TSTD2: variants seen among roughly 807,000 people sequenced by gnomAD.
TSTD2 encodes the protein thiosulfate sulfurtransferase/rhodanese-like domain-containing protein 2.
TSTD2 carries 37 observed loss-of-function variants against 47.9 expected under a neutral mutation model. The ratio of observed to expected loss-of-function variants is 0.77; its 90% CI spans 0.59 to 1.02. TSTD2 has a LOEUF of 1.02. TSTD2 is among the 50% of genes least tolerant of loss of function. The pLI is 0.00. For missense variants in TSTD2, 586 were observed against 616.0 expected, an observed-to-expected ratio of 0.95 and a Z score of 0.52; for synonymous variants, 201 against 215.9, an observed-to-expected ratio of 0.93 and a Z score of 0.61.
intron 3 of TSTD2, among the ~76,000 whole-genome samples, chr9:97,624,934 T>C (rs1826696350): frequency 6.6e-6 from 1 of 152,202 alleles, no homozygotes; most frequent in Non-Finnish European, 1.5e-5. Context: ...CCCCCCCTTT[T>C]TTTTGCTTAG....
intron 1 of TSTD2, among the ~76,000 whole-genome samples, chr9:97,629,931 T>C (rs1826783299): frequency 6.6e-6 from 1 of 152,192 alleles, no homozygotes; most frequent in African/African-American, 2.4e-5. Flanking sequence ...TCTCCCTCTA[T>C]ATGACCTGAT....
intron 9 of TSTD2, chr9:97,603,972 T>C (rs1826319903): frequency 6.6e-6 from 1 of 152,258 alleles, no homozygotes; most frequent in African/African-American, 2.4e-5. Context: ...ATTACAGGCA[T>C]GAGCCTCTGT....
rs775765471 is a variant in TSTD2 at position 97,602,482 on chromosome 9, G to A, written c.1538C>T (p.Pro513Leu). 1.2e-6 allele frequency: 2 copies of A among 1,610,240 alleles called. No individual in the cohort carries two copies. Among genetic ancestry groups the A allele is most frequent in the Non-Finnish European group, 8.5e-7 (1 of 1,177,796 alleles). ...EPGPDADEDG[P>L]VLM ...CAAAGGTGCTGCTCACATAAGCACT[G>A]GCCCATCCTCATCAGCATCAGGCCC... is the stretch of plus-strand genomic sequence containing the variant. Residue 513 changes from proline (P) to leucine (L), a missense_variant, in exon 10 of 10, where the codon CCA becomes CTA. Transcript: ENST00000341170.
At chr9:97,625,515 A>G (rs1826704346) in intron 3 of TSTD2, among the ~76,000 whole-genome samples, 166 bp downstream of exon 3, 1 of 152,236 alleles carries the variant, frequency 6.6e-6, no homozygotes, top group African/African-American at 2.4e-5. Context: ...GCCATATTAC[A>G]TTCCCACCAA....
Position 97,623,314 on chromosome 9 carries a change from A to G in TSTD2, c.482+2367T>C, listed in dbSNP as rs574829285. Among the ~76,000 whole-genome samples, 312 of 152,292 alleles carry G rather than the reference A, an allele frequency of 2.0e-3. 2 individuals are homozygous for G. Among genetic ancestry groups the G allele is most frequent in the Non-Finnish European group, 1.5e-3 (105 of 68,032 alleles). ...TTGCTCCTCCTTGCCTTCCACCATGATCATCAGGTCTCCCCTGCCATGCGG... is the reference window on the plus strand; with the variant it reads ...TTGCTCCTCCTTGCCTTCCACCATGGTCATCAGGTCTCCCCTGCCATGCGG... On this transcript the variant is annotated intron_variant, in intron 3 of 9. Coordinates refer to ENST00000341170, the MANE Select transcript of TSTD2 (RefSeq NM_139246.5).
intron 4 of TSTD2, among the ~76,000 whole-genome samples, chr9:97,617,361 TATA>T: frequency 6.6e-6 from 1 of 152,360 alleles, no homozygotes; most frequent in African/African-American, 2.4e-5. Context: ...TTCCAATTAA[TATA>T]TCACAAACAT....
In TSTD2 at chr9:97,617,811, T is replaced by A; in HGVS notation, c.549A>T (p.Gln183His). 6.2e-7 allele frequency: 1 copy of A among 1,614,110 alleles called. No homozygotes were observed. Among genetic ancestry groups the A allele is most frequent in the Non-Finnish European group, 8.5e-7 (1 of 1,180,018 alleles). ...GAGCTGTCTGCCAGGCACAGATCCATTGGGGATCCTCCAGGTCATGGTAGC... is the reference window on the plus strand; with the variant it reads ...GAGCTGTCTGCCAGGCACAGATCCAATGGGGATCCTCCAGGTCATGGTAGC... ...YYCYHDLEDP[Q>H]WICAWQTALC... is the part of the protein sequence containing the mutation. Residue 183 changes from glutamine to histidine, a missense_variant, in exon 4 of 10, where the codon CAA becomes CAT. Physicochemically the swap from Gln to His is conservative, Grantham distance 24. Transcript: ENST00000341170.
chr9:97,628,232 T>G (rs775501430), intron 1 of TSTD2, among the ~76,000 whole-genome samples: 1 of 152,192 alleles, frequency 6.6e-6, no homozygotes, highest in Non-Finnish European at 1.5e-5. Flanking sequence ...AATGTCAAAA[T>G]CGCTACTGTG....
intron 9 of TSTD2, 69 bp downstream of exon 9, chr9:97,604,658 A>G: frequency 1.2e-6 from 2 of 1,602,392 alleles, no homozygotes; most frequent in Non-Finnish European, 1.7e-6. Context: ...TCCCTGTGTC[A>G]TTTTTCTAGA....
At chr9:97,631,142 G>A (rs1213360840) in intron 1 of TSTD2, among the ~76,000 whole-genome samples, 2 of 151,974 alleles carry the variant, frequency 1.3e-5, no homozygotes, top group Admixed American at 6.6e-5. Flanking sequence ...TTTTTGAGAC[G>A]GTTTTCGTTC....
chr9:97,618,421 C>A (rs1192804144), intron 3 of TSTD2, among the ~76,000 whole-genome samples: 3 of 152,234 alleles, frequency 2.0e-5, no homozygotes, highest in African/African-American at 7.2e-5. Context: ...CTGCACTGGG[C>A]TGTCTTACAC....
At chr9:97,604,294 A>T (rs1201299751) in intron 9 of TSTD2, 2 of 155,882 alleles carry the variant, frequency 1.3e-5, no homozygotes, top group African/African-American at 4.8e-5. Context: ...TGTTGCCTAC[A>T]TTCATAACTA....
intron 4 of TSTD2, among the ~76,000 whole-genome samples, chr9:97,615,758 G>C (rs944303909): frequency 2.4e-4 from 36 of 152,192 alleles, no homozygotes; most frequent in Non-Finnish European, 2.4e-4. Context: ...TCTAAACCAA[G>C]AGGCTGTTTT....
chr9:97,617,258 AT>A (rs780620808), intron 4 of TSTD2, among the ~76,000 whole-genome samples: 1 of 152,202 alleles, frequency 6.6e-6, no homozygotes, highest in Non-Finnish European at 1.5e-5. Flanking sequence ...GAAACAGCAA[AT>A]GTCAATACCC....
At chr9:97,604,969 A>G (rs761471653) in intron 8 of TSTD2, 104 bp from the exon 9 acceptor site, 4 of 1,501,228 alleles carry the variant, frequency 2.7e-6, no homozygotes, top group Non-Finnish European at 3.5e-6. Context: ...TAGAGGACTC[A>G]TGGCCGCTGC....
At chr9:97,628,974 C>G (rs1437052962) in intron 1 of TSTD2, among the ~76,000 whole-genome samples, 1 of 152,162 alleles carries the variant, frequency 6.6e-6, no homozygotes, top group Non-Finnish European at 1.5e-5. Context: ...TGTGCCCTGT[C>G]CAAATTCCTG....
At chr9:97,627,965 G>T (rs759690265) in intron 1 of TSTD2, among the ~76,000 whole-genome samples, 1 of 152,114 alleles carries the variant, frequency 6.6e-6, no homozygotes, top group African/African-American at 2.4e-5. Flanking sequence ...GAAGCCCTTC[G>T]AACACAGAGA....
rs533515149 is a variant in TSTD2, at chr9:97,631,713, G to A, written c.-51+1530C>T. ...ATACAAATTAGCCTGGTGTGGTGGC[G>A]CATGTCTGTAATTGCCGCTACTTGG... On this transcript the variant is annotated intron_variant, in intron 1 of 9. Transcript: ENST00000341170. Among the ~76,000 whole-genome samples the A allele has an allele frequency of 2.0e-5, 3 of 152,196 alleles. No homozygotes were observed. In the East Asian group the frequency reaches 5.8e-4, roughly 29 times the overall value.
In TSTD2 at chr9:97,627,397, CCTTTTT is replaced by C; in HGVS notation, c.160_165del (p.Lys54_Lys55del). ...TCATGAAACATTCATAAGAATTCTA[CCTTTTT>C]CTTTGCAAACGAGTATTTCTTTTTT... On this transcript the variant is annotated inframe_deletion and splice_region_variant, in exon 2 of 10. Transcript: ENST00000341170. 6.3e-7 allele frequency: 1 copy of C among 1,594,730 alleles called. No homozygotes were observed.
Sources: gnomAD v4.1 joint callset for allele counts (sites outside exome capture counted in the v4.1 genomes callset) on GRCh38, gnomAD v4.1.1 for gene constraint, MANE v1.5 for transcripts, NCBI Gene and HGNC (gene_info 2026-07-23, HGNC 2026-07-21) for gene names.